MB21D2: variants seen among roughly 807,000 people sequenced by gnomAD.
The protein encoded by MB21D2 is Mab-21 domain containing 2.
In MB21D2, 9 loss-of-function variants were observed where a neutral mutation model predicts 33.3. That is an observed-to-expected ratio of 0.27 (90% CI 0.16 to 0.47). The LOEUF (loss-of-function observed/expected upper bound fraction) is 0.47, where lower values mean the gene tolerates loss of function less well. Among genes scored for constraint, MB21D2 ranks in the 20% least tolerant of loss-of-function variants. The pLI is 0.99. For synonymous variants in MB21D2, 241 were observed against 236.3 expected (o/e 1.02, Z -0.18); for missense variants, 540 against 624.6 (o/e 0.86, Z 1.44).
At chr3:192,847,179 G>T (rs1435745527) in intron 1 of MB21D2, among the ~76,000 whole-genome samples, 1 of 152,176 alleles carries the variant, frequency 6.6e-6, no homozygotes, top group Non-Finnish European at 1.5e-5. Context: ...ACAAGATTCA[G>T]ATGATTGGGT....
chr3:192,910,201 C>T (rs755727717), intron 1 of MB21D2, among the ~76,000 whole-genome samples: 5 of 147,958 alleles, frequency 3.4e-5, no homozygotes, highest in Non-Finnish European at 7.4e-5. Flanking sequence ...CGTGGTAGCT[C>T]ATGCCTGTAA....
At chr3:192,852,712 G>A (rs920044604) in intron 1 of MB21D2, among the ~76,000 whole-genome samples, 2 of 152,148 alleles carry the variant, frequency 1.3e-5, no homozygotes, top group East Asian at 1.9e-4. Context: ...ATTGAGAGGT[G>A]GATGACTGCC....
At chr3:192,903,806 T>C (rs1422511757) in intron 1 of MB21D2, among the ~76,000 whole-genome samples, 1 of 152,216 alleles carries the variant, frequency 6.6e-6, no homozygotes, top group Non-Finnish European at 1.5e-5. Context: ...TTGAGAGATC[T>C]GGTCATTTAA....
intron 1 of MB21D2, among the ~76,000 whole-genome samples, chr3:192,897,834 A>G (rs1388019058): frequency 2.0e-5 from 3 of 152,130 alleles, no homozygotes; most frequent in African/African-American, 4.8e-5. Context: ...TCTACTAAAA[A>G]TACAAAAATT....
intron 1 of MB21D2, among the ~76,000 whole-genome samples, chr3:192,901,352 G>T (rs1255216534): frequency 1.4e-5 from 2 of 147,828 alleles, no homozygotes; most frequent in African/African-American, 5.1e-5. Flanking sequence ...GGCAGATCAC[G>T]AGGTCAGGAG....
At chr3:192,856,945 A>G (rs930079646) in intron 1 of MB21D2, among the ~76,000 whole-genome samples, 1 of 152,210 alleles carries the variant, frequency 6.6e-6, no homozygotes, top group East Asian at 1.9e-4. Flanking sequence ...AAGAAAAATA[A>G]TAACAATGAT....
In MB21D2 at chr3:192,799,062, A is replaced by G. The variant is rs1266661307; in HGVS notation, c.800T>C (p.Val267Ala). ...AGGCACCAAGTAAAACCCACTGATGACCTCTTCCTCAGTAATCTTCCCATC... is the reference window on the plus strand; with the variant it reads ...AGGCACCAAGTAAAACCCACTGATGGCCTCTTCCTCAGTAATCTTCCCATC... ...FWDGKITEEE[V>A]ISGFYLVPAC... Residue 267 changes from valine (V) to alanine (A), a missense_variant, in exon 2 of 2, where the codon GTC becomes GCC. Val to Ala is a moderately conservative substitution (Grantham distance 64, BLOSUM62 0). Coordinates refer to ENST00000392452, the MANE Select transcript of MB21D2 (RefSeq NM_178496.4). This position sits in a 1 kb window ranked among gnomAD's most constrained non-coding sequence, Gnocchi z 4.1. 12 of 1,613,966 alleles carry G rather than the reference A, an allele frequency of 7.4e-6. No individual in the cohort carries two copies. Among genetic ancestry groups the G allele is most frequent in the Non-Finnish European group, 1.0e-5 (12 of 1,179,976 alleles).
intron 1 of MB21D2, among the ~76,000 whole-genome samples, chr3:192,827,142 C>T (rs1045305985): frequency 1.2e-4 from 19 of 152,210 alleles, no homozygotes; most frequent in East Asian, 1.9e-4. Context: ...GTGATCCACC[C>T]GCCTCGGCCT....
At chr3:192,917,073 C>G (rs115737280) in intron 1 of MB21D2, among the ~76,000 whole-genome samples, 1 of 152,196 alleles carries the variant, frequency 6.6e-6, no homozygotes, top group East Asian at 1.9e-4. Context: ...GCGGGTTACT[C>G]GGGAACACCC....
intron 1 of MB21D2, among the ~76,000 whole-genome samples, chr3:192,899,741 T>C (rs1325585063): frequency 2.0e-5 from 3 of 152,054 alleles, no homozygotes; most frequent in African/African-American, 7.2e-5. Flanking sequence ...GGTAGCAGAA[T>C]TGACAGGCCT....
chr3:192,855,602 A>G (rs1362624723), intron 1 of MB21D2, among the ~76,000 whole-genome samples: 1 of 152,242 alleles, frequency 6.6e-6, no homozygotes, highest in Non-Finnish European at 1.5e-5. Context: ...CAAATAAGGA[A>G]ACTGAAGTTC....
intron 1 of MB21D2, among the ~76,000 whole-genome samples, chr3:192,804,422 C>A (rs1011610872): frequency 1.4e-5 from 1 of 73,846 alleles, no homozygotes; most frequent in African/African-American, 5.6e-5. Context: ...TTCTTTAAAA[C>A]AGATACACAC....
intron 1 of MB21D2, among the ~76,000 whole-genome samples, chr3:192,916,375 G>A (rs186020871): frequency 9.2e-5 from 14 of 152,272 alleles, no homozygotes; most frequent in Admixed American, 9.2e-4. Flanking sequence ...TCCCAGGATA[G>A]AAGCAGCAAC....
chr3:192,860,828 C>T (rs1167119739), intron 1 of MB21D2, among the ~76,000 whole-genome samples: 1 of 152,206 alleles, frequency 6.6e-6, no homozygotes, highest in East Asian at 1.9e-4. Context: ...GGAACCCAAT[C>T]AGTATTTTAG....
chr3:192,876,855 C>T (rs3299), intron 1 of MB21D2, among the ~76,000 whole-genome samples: 92,161 of 151,958 alleles, frequency 0.61, 29,574 homozygotes, highest in African/African-American at 0.81. Flanking sequence ...AAAAACTCCT[C>T]AGGGCTCCAA....
intron 1 of MB21D2, among the ~76,000 whole-genome samples, chr3:192,820,433 T>G (rs1712020710): frequency 6.6e-6 from 1 of 152,182 alleles, no homozygotes; most frequent in Admixed American, 6.5e-5. Flanking sequence ...GGTTCTGTGT[T>G]GCAGGGAAAG....
chr3:192,911,067 T>C (rs1427666702), intron 1 of MB21D2, among the ~76,000 whole-genome samples: 1 of 152,228 alleles, frequency 6.6e-6, no homozygotes, highest in African/African-American at 2.4e-5. Flanking sequence ...TGTTAATAAC[T>C]GGAGATTCAG....
chr3:192,839,320 T>C (rs889417053), intron 1 of MB21D2, among the ~76,000 whole-genome samples: 3 of 152,168 alleles, frequency 2.0e-5, no homozygotes, highest in African/African-American at 7.2e-5. Flanking sequence ...AAAACAGCCT[T>C]CTGTTTCTCT....
intron 1 of MB21D2, among the ~76,000 whole-genome samples, chr3:192,869,074 G>A (rs974722713): frequency 6.6e-6 from 1 of 151,996 alleles, no homozygotes; most frequent in African/African-American, 2.4e-5. Flanking sequence ...TGGCCAACAT[G>A]GTAAAACCCC....
Sources: allele counts gnomAD v4.1 joint callset (sites outside exome capture counted in the v4.1 genomes callset), GRCh38; gene constraint gnomAD v4.1.1; non-coding constraint Gnocchi (gnomAD v3.1); transcripts MANE v1.5; gene names NCBI Gene and HGNC (gene_info 2026-07-23, HGNC 2026-07-21).